ERC1: variants seen among roughly 807,000 people sequenced by gnomAD.
The protein encoded by ERC1 is ELKS/RAB6-interacting/CAST family member 1, also known as RAB6 interacting protein 2.
A neutral mutation model predicts 132.0 loss-of-function variants in ERC1; 56 were observed. The observed-to-expected ratio is 0.42, with a 90% CI of 0.34 to 0.53. The LOEUF (loss-of-function observed/expected upper bound fraction) is 0.53. Ranked by LOEUF, ERC1 falls within the 20% of genes least tolerant of loss-of-function variation. The pLI is 0.03. For synonymous variants in ERC1, 478 were observed against 476.1 expected, an observed-to-expected ratio of 1.00 and a Z score of -0.05; for missense variants, 1,202 against 1,349.9, an observed-to-expected ratio of 0.89 and a Z score of 1.72.
chr12:1,039,632 C>A (rs1291336218), intron 2 of ERC1, among the ~76,000 whole-genome samples: 1 of 151,980 alleles, frequency 6.6e-6, no homozygotes, highest in Non-Finnish European at 1.5e-5. Context: ...CTACGATTAA[C>A]AACGGAAATG....
chr12:1,244,645 C>A, intron 13 of ERC1: 1 of 420,078 alleles, frequency 2.4e-6, no homozygotes, highest in Non-Finnish European at 4.8e-6. Flanking sequence ...CCTCAGCCAC[C>A]CGAGTAGCTG....
At chr12:1,454,569 G>A (rs1346877388) in intron 18 of ERC1, among the ~76,000 whole-genome samples, 7 of 152,188 alleles carry the variant, frequency 4.6e-5, no homozygotes, top group Admixed American at 2.0e-4. Flanking sequence ...CCCGGTTGGC[G>A]TCTGCTGGAG....
At chr12:1,333,328 G>A (rs1215264577) in intron 15 of ERC1, among the ~76,000 whole-genome samples, 3 of 139,732 alleles carry the variant, frequency 2.1e-5, no homozygotes, top group South Asian at 2.3e-4. Flanking sequence ...TATATGTACC[G>A]CATTTTTTTT....
intron 17 of ERC1, chr12:1,444,243 G>C (rs1434407855): frequency 5.9e-6 from 1 of 168,104 alleles, no homozygotes; most frequent in Non-Finnish European, 1.2e-5. Flanking sequence ...TCTGTATCAG[G>C]AATAGCATCT....
intron 2 of ERC1, among the ~76,000 whole-genome samples, chr12:1,064,214 A>C (rs1364421293): frequency 6.7e-6 from 1 of 149,342 alleles, no homozygotes; most frequent in Non-Finnish European, 1.5e-5. Context: ...CTTGCTGTTT[A>C]AAAAACTTTT....
chr12:1,077,509 G>A (rs892791941), intron 2 of ERC1, among the ~76,000 whole-genome samples: 10 of 152,156 alleles, frequency 6.6e-5, no homozygotes, highest in African/African-American at 1.9e-4. Flanking sequence ...ATTTCATTGA[G>A]ATATAGCTTG....
intron 3 of ERC1, among the ~76,000 whole-genome samples, chr12:1,098,674 G>T (rs1240121771): frequency 6.6e-6 from 1 of 152,160 alleles, no homozygotes; most frequent in African/African-American, 2.4e-5. Flanking sequence ...AATTTTTTTT[G>T]ATAAAATAAG....
chr12:1,360,010 T>A (rs1397301633), intron 15 of ERC1, among the ~76,000 whole-genome samples: 1 of 152,132 alleles, frequency 6.6e-6, no homozygotes, highest in African/African-American at 2.4e-5. Flanking sequence ...ATCTTAAAAA[T>A]TTTTAGTGGA....
rs1040743126 is a variant in ERC1, at chr12:1,021,220, C to T, written c.-156-6528C>T. ...CCTCCCAAAGTGCTGGGGTTACAGG[C>T]ATGAGCCACTGCATCCAGCCGAGAC... On this transcript the variant is annotated intron_variant, in intron 1 of 18. Transcript: ENST00000360905. Among the ~76,000 whole-genome samples, 5 of 152,208 alleles carry T rather than the reference C, an allele frequency of 3.3e-5. No homozygotes were observed. In the East Asian group the frequency reaches 9.7e-4, roughly 30 times the overall value.
chr12:1,071,937 C>T (rs1261193665), intron 2 of ERC1, among the ~76,000 whole-genome samples: 1 of 152,034 alleles, frequency 6.6e-6, no homozygotes, highest in Admixed American at 6.6e-5. Flanking sequence ...CCTGTCTCTA[C>T]TAAAAATACA....
At chr12:1,038,826 A>G (rs1969611663) in intron 2 of ERC1, among the ~76,000 whole-genome samples, 1 of 152,210 alleles carries the variant, frequency 6.6e-6, no homozygotes, top group South Asian at 2.1e-4. Flanking sequence ...GGGGAAAGGA[A>G]ATGAGTTTCT....
At chr12:1,197,193 A>T (rs1956416112) in intron 12 of ERC1, among the ~76,000 whole-genome samples, 1 of 149,342 alleles carries the variant, frequency 6.7e-6, no homozygotes, top group Non-Finnish European at 1.5e-5. Flanking sequence ...CTTAACCAGG[A>T]TGGTCTCGAA....
intron 15 of ERC1, among the ~76,000 whole-genome samples, chr12:1,302,210 T>G (rs895639594): frequency 2.0e-5 from 3 of 152,222 alleles, no homozygotes; most frequent in Non-Finnish European, 2.9e-5. Context: ...AAAAATGAAT[T>G]AATTAAACTC....
At position 1,028,081 on chromosome 12, in the gene ERC1, C is replaced by T; in HGVS notation, c.178C>T (p.Gln60Ter). The change falls in exon 2 of 19, where the codon CAA becomes TAA. Residue 60 changes from glutamine to a stop codon, truncating the protein, a stop_gained. Transcript: ENST00000360905. LOFTEE classifies it high-confidence loss of function. ...GAAAACCCTTTCAATGGAAAATATA[C>T]AATCTTTAAATGCTGCCTATGCCAC... ...SGKTLSMENI[Q>*]SLNAAYATSG... The T allele has an allele frequency of 7.4e-6, 12 of 1,614,156 alleles. No homozygotes were observed. Among genetic ancestry groups the T allele is most frequent in the Non-Finnish European group, 1.0e-5 (12 of 1,180,016 alleles).
intron 12 of ERC1, among the ~76,000 whole-genome samples, chr12:1,232,183 A>T (rs1354744079): frequency 1.3e-5 from 2 of 152,098 alleles, no homozygotes; most frequent in South Asian, 2.1e-4. Context: ...GGTGGTGTGT[A>T]TGTGTGTTGC....
At chr12:1,155,746 C>T (rs1166870819) in intron 8 of ERC1, among the ~76,000 whole-genome samples, 2 of 152,276 alleles carry the variant, frequency 1.3e-5, no homozygotes, top group Non-Finnish European at 2.9e-5. Context: ...GCTGGGATTA[C>T]AGGCGTGAGC....
At chr12:1,329,687 G>A (rs1328141050) in intron 15 of ERC1, among the ~76,000 whole-genome samples, 1 of 152,160 alleles carries the variant, frequency 6.6e-6, no homozygotes. Flanking sequence ...AGCTGGGGAA[G>A]GGGAAAATGT....
chr12:1,304,374 C>G (rs1378915300), intron 15 of ERC1, among the ~76,000 whole-genome samples: 1 of 152,184 alleles, frequency 6.6e-6, no homozygotes, highest in African/African-American at 2.4e-5. Flanking sequence ...CCTCCCCCAA[C>G]AGTAGACTTT....
intron 13 of ERC1, among the ~76,000 whole-genome samples, chr12:1,248,039 G>A (rs937359880): frequency 1.3e-5 from 2 of 152,050 alleles, no homozygotes; most frequent in Admixed American, 1.3e-4. Context: ...CAAGTTGATC[G>A]TTCTAAAGAT....
Sources: gnomAD v4.1 joint callset for allele counts (sites outside exome capture counted in the v4.1 genomes callset) on GRCh38, gnomAD v4.1.1 for gene constraint, MANE v1.5 for transcripts, NCBI Gene and HGNC (gene_info 2026-07-23, HGNC 2026-07-21) for gene names.